TMC1: variants seen among roughly 807,000 people sequenced by gnomAD.
TMC1 encodes the protein transmembrane channel-like protein 1.
In TMC1, 84 loss-of-function variants were observed where a neutral mutation model predicts 105.8. The observed-to-expected ratio is 0.79, with a 90% CI of 0.67 to 0.95. The LOEUF (loss-of-function observed/expected upper bound fraction) is 0.95. TMC1 is among the 40% of genes least tolerant of loss of function. The pLI is 0.00. For missense variants in TMC1, 817 were observed against 914.1 expected (o/e 0.89, Z 1.37); for synonymous variants, 315 against 311.5 (o/e 1.01, Z -0.12).
At chr9:72,824,560 CT>C (rs1217986765) in intron 20 of TMC1, among the ~76,000 whole-genome samples, 1 of 152,172 alleles carries the variant, frequency 6.6e-6, no homozygotes, top group East Asian at 1.9e-4. Flanking sequence ...GTCAGGTTGT[CT>C]CTTCTCCAAA....
At chr9:72,834,846 C>A (rs956967954) in intron 23 of TMC1, among the ~76,000 whole-genome samples, 2 of 152,036 alleles carry the variant, frequency 1.3e-5, no homozygotes, top group Non-Finnish European at 2.9e-5. Flanking sequence ...TTTAATAACC[C>A]CCACCCCTTT....
intron 8 of TMC1, among the ~76,000 whole-genome samples, chr9:72,733,842 A>G (rs1432427603): frequency 5.3e-5 from 8 of 152,074 alleles, no homozygotes; most frequent in African/African-American, 1.4e-4. Context: ...CAACCTCAGC[A>G]TACTTTTTTT....
chr9:72,619,832 A>ATTT (rs1554716106), intron 3 of TMC1, among the ~76,000 whole-genome samples: 4 of 138,586 alleles, frequency 2.9e-5, no homozygotes, highest in Non-Finnish European at 4.9e-5. Flanking sequence ...TTAATTAATT[A>ATTT]ATTTATTTAT....
intron 2 of TMC1, among the ~76,000 whole-genome samples, chr9:72,581,278 T>A (rs1010293668): frequency 2.0e-5 from 3 of 152,216 alleles, no homozygotes; most frequent in African/African-American, 7.2e-5. Flanking sequence ...TCTTTATTTA[T>A]TTTTCTCTAG....
intron 17 of TMC1, among the ~76,000 whole-genome samples, chr9:72,804,953 C>G (rs1177307000): frequency 3.3e-5 from 5 of 152,096 alleles, no homozygotes; most frequent in Non-Finnish European, 7.4e-5. Context: ...TATTGGATTG[C>G]CAATCTATAT....
intron 4 of TMC1, among the ~76,000 whole-genome samples, chr9:72,644,580 A>G (rs975694070): frequency 1.3e-5 from 2 of 152,014 alleles, no homozygotes; most frequent in Admixed American, 6.6e-5. Flanking sequence ...GTGTGAGTCT[A>G]TTTCTGAATT....
chr9:72,619,840 T>A (rs551612516), intron 3 of TMC1, among the ~76,000 whole-genome samples: 47 of 151,962 alleles, frequency 3.1e-4, no homozygotes, highest in South Asian at 8.3e-4. Flanking sequence ...TTAATTTATT[T>A]ATTTATTTAC....
intron 4 of TMC1, chr9:72,628,466 C>T (rs919319220): frequency 4.0e-5 from 7 of 173,668 alleles, no homozygotes; most frequent in South Asian, 1.3e-4. Flanking sequence ...AGCCACGTTT[C>T]GGAGGGTTTC....
At position 72,813,963 on chromosome 9, in the gene TMC1, C is replaced by A. The variant is rs78813059; in HGVS notation, c.1696-2180C>A. 6.9e-4 allele frequency among the ~76,000 whole-genome samples: 105 copies of A among 152,292 alleles called. No homozygotes were observed. The East Asian group carries it at 0.019, about 28-fold the overall frequency. The stretch of plus-strand genomic sequence containing the variant: ...GGGGTTGTTCCTCCAGCTGTCCCTG[C>A]TGCAAACACAGCAGGAAGCTAGGGA... On this transcript the variant is annotated intron_variant, in intron 18 of 23. Coordinates refer to ENST00000297784, the MANE Select transcript of TMC1 (RefSeq NM_138691.3).
intron 1 of TMC1, among the ~76,000 whole-genome samples, chr9:72,535,511 T>C (rs1823568390): frequency 6.6e-6 from 1 of 152,222 alleles, no homozygotes; most frequent in East Asian, 1.9e-4. Flanking sequence ...GTTGCCTCAC[T>C]TCCTCCTCAA....
chr9:72,556,561 G>A (rs1055831180), intron 1 of TMC1, among the ~76,000 whole-genome samples: 3 of 150,854 alleles, frequency 2.0e-5, no homozygotes, highest in Non-Finnish European at 4.4e-5. Context: ...GCTCATGCCT[G>A]TAATCCCAGC....
At chr9:72,581,635 CA>C (rs1450579024) in intron 2 of TMC1, among the ~76,000 whole-genome samples, 1 of 152,218 alleles carries the variant, frequency 6.6e-6, no homozygotes, top group Non-Finnish European at 1.5e-5. Context: ...CCTCAAATAT[CA>C]AATATGTTCT....
chr9:72,541,355 A>G (rs745578406), intron 1 of TMC1, among the ~76,000 whole-genome samples: 17 of 152,232 alleles, frequency 1.1e-4, no homozygotes, highest in Non-Finnish European at 2.5e-4. Context: ...TAGATACTGA[A>G]TAAGTATTTG....
At chr9:72,534,696 G>A (rs1823550840) in intron 1 of TMC1, among the ~76,000 whole-genome samples, 1 of 152,156 alleles carries the variant, frequency 6.6e-6, no homozygotes, top group African/African-American at 2.4e-5. Context: ...AGAATGTCCA[G>A]TTTAACTTTC....
chr9:72,819,721 C>T (rs907123080), intron 19 of TMC1, among the ~76,000 whole-genome samples: 1 of 152,078 alleles, frequency 6.6e-6, no homozygotes, highest in Non-Finnish European at 1.5e-5. Flanking sequence ...CTATAATGAA[C>T]CAAATTTACG....
At chr9:72,769,524 T>C (rs1827891259) in intron 12 of TMC1, among the ~76,000 whole-genome samples, 1 of 152,162 alleles carries the variant, frequency 6.6e-6, no homozygotes, top group Non-Finnish European at 1.5e-5. Context: ...CCATCCATGC[T>C]CTACTGTCAA....
chr9:72,782,630 A>G (rs965630968), intron 13 of TMC1, among the ~76,000 whole-genome samples: 17 of 152,198 alleles, frequency 1.1e-4, no homozygotes, highest in Non-Finnish European at 2.1e-4. Flanking sequence ...TAAAAAACCA[A>G]TGTACATTTC....
intron 1 of TMC1, among the ~76,000 whole-genome samples, chr9:72,568,702 G>A (rs1182116506): frequency 6.6e-6 from 1 of 152,156 alleles, no homozygotes; most frequent in Admixed American, 6.5e-5. Context: ...TAGCTCAGTG[G>A]AATCCAAGAT....
intron 5 of TMC1, among the ~76,000 whole-genome samples, chr9:72,683,515 GT>G (rs201907657): frequency 7.4e-5 from 11 of 149,144 alleles, no homozygotes; most frequent in Non-Finnish European, 1.0e-4. Flanking sequence ...TTTTAAAGAG[GT>G]TTTTTTTTAA....
Sources: allele counts gnomAD v4.1 joint callset (sites outside exome capture counted in the v4.1 genomes callset), GRCh38; gene constraint gnomAD v4.1.1; transcripts MANE v1.5; gene names NCBI Gene and HGNC (gene_info 2026-07-23, HGNC 2026-07-21).